The following JADE1 variants were observed in gnomAD, a reference collection of about 807,000 sequenced individuals.
The protein encoded by JADE1 is protein Jade-1.
Under a neutral mutation model 81.8 loss-of-function variants are expected in JADE1, and 14 were observed. That is an observed-to-expected ratio of 0.17 (90% CI 0.11 to 0.27). JADE1 has a LOEUF of 0.27. Ranked by LOEUF, JADE1 falls within the 10% of genes least tolerant of loss-of-function variation. The pLI is 1.00. For missense variants in JADE1, 690 were observed against 1,047.9 expected (o/e 0.66, Z 4.71); for synonymous variants, 353 against 391.9 (o/e 0.90, Z 1.17).
At chr4:128,814,510 G>T (rs1726807544) in intron 1 of JADE1, among the ~76,000 whole-genome samples, 1 of 151,590 alleles carries the variant, frequency 6.6e-6, no homozygotes, top group Non-Finnish European at 1.5e-5. Context: ...CTATGCATGT[G>T]CATGTGTGTT....
intron 5 of JADE1, among the ~76,000 whole-genome samples, chr4:128,850,677 T>C (rs1218595289): frequency 6.6e-6 from 1 of 152,238 alleles, no homozygotes; most frequent in Non-Finnish European, 1.5e-5. Context: ...GCTTCACAGA[T>C]GATACAGTTT....
intron 2 of JADE1, among the ~76,000 whole-genome samples, chr4:128,835,719 T>C (rs1579150603): frequency 6.6e-6 from 1 of 152,204 alleles, no homozygotes; most frequent in African/African-American, 2.4e-5. Flanking sequence ...GTGCACACCA[T>C]GTCCAAGTGA....
At chr4:128,863,041 T>G (rs772223984) in intron 9 of JADE1, 12 of 985,238 alleles carry the variant, frequency 1.2e-5, no homozygotes, top group African/African-American at 1.7e-5. Flanking sequence ...TACAGATGTG[T>G]TGTTTGTCAC....
chr4:128,848,237 G>C (rs1730036284), intron 4 of JADE1, among the ~76,000 whole-genome samples: 1 of 152,104 alleles, frequency 6.6e-6, no homozygotes, highest in African/African-American at 2.4e-5. Flanking sequence ...GGAGTGCAGT[G>C]GTGCAATCTT....
chr4:128,867,824 C>A, intron 9 of JADE1, 32 bp from the exon 10 acceptor site: 2 of 1,418,782 alleles, frequency 1.4e-6, no homozygotes, highest in Non-Finnish European at 2.0e-6. Context: ...TACTGTATTG[C>A]TTACTTAGAA....
At chr4:128,851,232 T>G (rs1730328119) in intron 5 of JADE1, among the ~76,000 whole-genome samples, 2 of 152,238 alleles carry the variant, frequency 1.3e-5, no homozygotes, top group Non-Finnish European at 2.9e-5. Flanking sequence ...TCAGTCTTTT[T>G]TGCATTTGGT....
chr4:128,852,962 C>A (rs1277911515), intron 6 of JADE1, among the ~76,000 whole-genome samples: 1 of 147,822 alleles, frequency 6.8e-6, no homozygotes, highest in Admixed American at 6.8e-5. Flanking sequence ...ATGGCGTGGT[C>A]TTGGCTCACT....
chr4:128,847,231 G>A (rs1389579344), intron 4 of JADE1, among the ~76,000 whole-genome samples: 1 of 152,184 alleles, frequency 6.6e-6, no homozygotes. Flanking sequence ...AGGCTTGAGT[G>A]CCCTCTGTGC....
Position 128,871,266 on chromosome 4 carries a change from C to A in JADE1, c.1622-89C>A. 7.9e-7 allele frequency: 1 copy of A among 1,271,660 alleles called. No individual in the cohort carries two copies. Among genetic ancestry groups the A allele is most frequent in the South Asian group, 1.5e-5 (1 of 68,956 alleles). The allele number at this position is 1,271,660 out of a possible 1,614,324, so 78.8% of individuals were successfully genotyped here. A position where few individuals can be genotyped will look rare whatever the true frequency, so the allele number is the denominator to read the frequency against. ...GTGTTGTTGGGTGGGGAGTTCACAT[C>A]AATTGGGCCACACTAAGGGTGTAGA... On this transcript the variant is annotated intron_variant, in intron 10 of 10. Coordinates refer to ENST00000226319, the MANE Select transcript of JADE1 (RefSeq NM_199320.4). The surrounding 1 kb of genome is among the most constrained non-coding windows in gnomAD (Gnocchi z 4.1).
chr4:128,828,155 T>C (rs1478888110), intron 1 of JADE1, among the ~76,000 whole-genome samples: 1 of 152,186 alleles, frequency 6.6e-6, no homozygotes, highest in East Asian at 1.9e-4. Context: ...CCTCCTAATA[T>C]ATGAGATATT....
intron 2 of JADE1, among the ~76,000 whole-genome samples, chr4:128,837,959 C>CA (rs1368024315): frequency 6.6e-6 from 1 of 152,202 alleles, no homozygotes; most frequent in African/African-American, 2.4e-5. Flanking sequence ...AAGCTTATCA[C>CA]ACACCAGCTA....
intron 4 of JADE1, among the ~76,000 whole-genome samples, chr4:128,848,260 C>T (rs528693234): frequency 6.6e-6 from 1 of 152,276 alleles, no homozygotes; most frequent in Admixed American, 6.5e-5. Context: ...CTCACTACAA[C>T]CTCCGCCTCC....
chr4:128,864,621 C>T (rs1409628022), intron 9 of JADE1: 9 of 984,536 alleles, frequency 9.1e-6, no homozygotes, highest in Non-Finnish European at 1.1e-5. Flanking sequence ...AAAAACCAAT[C>T]ATTACTACCA....
intron 1 of JADE1, among the ~76,000 whole-genome samples, chr4:128,829,717 G>A (rs919568948): frequency 6.6e-6 from 1 of 152,174 alleles, no homozygotes; most frequent in Admixed American, 6.5e-5. Context: ...AGTTAGACCT[G>A]AAGGCTTATA....
At chr4:128,855,863 G>A (rs768122248) in intron 7 of JADE1, 66 bp downstream of exon 7, 22 of 1,421,738 alleles carry the variant, frequency 1.5e-5, no homozygotes, top group Non-Finnish European at 2.1e-5. Flanking sequence ...CTGTCGCCCA[G>A]GCTGGAGTGC....
intron 6 of JADE1, among the ~76,000 whole-genome samples, chr4:128,855,385 A>G (rs1262043456): frequency 6.6e-6 from 1 of 152,176 alleles, no homozygotes; most frequent in African/African-American, 2.4e-5. Context: ...TGCTAAATAA[A>G]TATGTATTGT....
chr4:128,811,492 C>T (rs1354683670), intron 1 of JADE1: 1 of 151,964 alleles, frequency 6.6e-6, no homozygotes, highest in South Asian at 2.1e-4. Context: ...GCTGGGTGGC[C>T]CCGGGGCCAA....
intron 3 of JADE1, among the ~76,000 whole-genome samples, chr4:128,845,561 A>G (rs1269346605): frequency 6.6e-6 from 1 of 152,046 alleles, no homozygotes; most frequent in Admixed American, 6.5e-5. Context: ...ACCAGCTACC[A>G]TACCATAAAC....
chr4:128,814,077 C>T (rs986192083), intron 1 of JADE1, among the ~76,000 whole-genome samples: 6 of 151,790 alleles, frequency 4.0e-5, no homozygotes, highest in Admixed American at 2.6e-4. Flanking sequence ...TAGTTCTCCC[C>T]GCTTCACTTG....
Sources: allele counts gnomAD v4.1 joint callset (sites outside exome capture counted in the v4.1 genomes callset), GRCh38; gene constraint gnomAD v4.1.1; non-coding constraint Gnocchi (gnomAD v3.1); transcripts MANE v1.5; gene names NCBI Gene and HGNC (gene_info 2026-07-23, HGNC 2026-07-21).